MEI4: variants seen among roughly 807,000 people sequenced by gnomAD.
MEI4 encodes meiosis-specific protein MEI4.
A neutral mutation model predicts 31.4 loss-of-function variants in MEI4; 27 were observed. The observed-to-expected ratio is 0.86, with a 90% CI of 0.63 to 1.19. The LOEUF is 1.19. MEI4 is among the 50% of genes most tolerant of loss of function. The probability of loss-of-function intolerance (pLI) is 0.00; values close to 1 mark genes in which losing one functional copy is unlikely to be tolerated. For missense variants in MEI4, 329 were observed against 398.9 expected (o/e 0.82, Z 1.49); for synonymous variants, 122 against 145.4 (o/e 0.84, Z 1.16).
intron 4 of MEI4, among the ~76,000 whole-genome samples, chr6:77,916,059 A>C (rs1409448903): frequency 6.6e-6 from 1 of 151,958 alleles, no homozygotes; most frequent in African/African-American, 2.4e-5. Flanking sequence ...AAGCTTTCAA[A>C]TATATTTTGT....
At chr6:77,817,025 G>A (rs1435034399) in intron 3 of MEI4, among the ~76,000 whole-genome samples, 1 of 149,658 alleles carries the variant, frequency 6.7e-6, no homozygotes, top group African/African-American at 2.5e-5. Context: ...GTGTGTGTAT[G>A]TGTGTGTGTG....
intron 1 of MEI4, among the ~76,000 whole-genome samples, chr6:77,678,019 T>A (rs1768876531): frequency 6.6e-6 from 1 of 152,008 alleles, no homozygotes; most frequent in South Asian, 2.1e-4. Flanking sequence ...CTTTGAAAAA[T>A]TTTCATGGTT....
At chr6:77,694,037 C>A (rs969688435) in intron 2 of MEI4, among the ~76,000 whole-genome samples, 1 of 151,756 alleles carries the variant, frequency 6.6e-6, no homozygotes, top group Non-Finnish European at 1.5e-5. Flanking sequence ...TAAAGCAAAG[C>A]CAAAATGGCA....
intron 3 of MEI4, among the ~76,000 whole-genome samples, chr6:77,805,991 G>A (rs1438773827): frequency 6.6e-6 from 1 of 152,084 alleles, no homozygotes; most frequent in Non-Finnish European, 1.5e-5. Context: ...CTTCCTAAGA[G>A]AAGAGGGATG....
chr6:77,781,506 G>T (rs1275629215), intron 3 of MEI4, among the ~76,000 whole-genome samples: 1 of 152,020 alleles, frequency 6.6e-6, no homozygotes, highest in East Asian at 1.9e-4. Flanking sequence ...CCCCATCTCA[G>T]ATCTATGGAA....
chr6:77,806,015 C>T lies in MEI4; in HGVS notation c.769-22916C>T, dbSNP rs181913805. ...AGAAGAGGGATGAAAATAACCTGAC[C>T]TCTCACAATCCCTTTCGTCTGGCTT... On this transcript the variant is annotated intron_variant, in intron 3 of 4. Coordinates refer to ENST00000684080, the MANE Select transcript of MEI4 (RefSeq NM_001322247.2). Among the ~76,000 whole-genome samples the T allele has an allele frequency of 1.1e-3, 174 of 152,170 alleles. 1 individual carries two copies. Among genetic ancestry groups the T allele is most frequent in the Admixed American group, 3.9e-3 (59 of 15,282 alleles).
intron 4 of MEI4, among the ~76,000 whole-genome samples, chr6:77,905,943 C>T (rs1324726052): frequency 2.0e-5 from 3 of 151,528 alleles, no homozygotes; most frequent in African/African-American, 7.3e-5. Flanking sequence ...AATAACTTGT[C>T]TCTAAATCTT....
intron 2 of MEI4, among the ~76,000 whole-genome samples, chr6:77,753,379 C>G (rs1767830210): frequency 1.3e-5 from 2 of 151,928 alleles, no homozygotes; most frequent in South Asian, 4.2e-4. Context: ...TATCCAGAAT[C>G]TACAAAGAAC....
chr6:77,683,034 A>G (rs1340129148), intron 1 of MEI4, among the ~76,000 whole-genome samples: 1 of 152,140 alleles, frequency 6.6e-6, no homozygotes, highest in Non-Finnish European at 1.5e-5. Flanking sequence ...TTAATGTGCA[A>G]GTACTGTTCT....
At chr6:77,680,528 C>T (rs764485656) in intron 1 of MEI4, among the ~76,000 whole-genome samples, 2 of 151,990 alleles carry the variant, frequency 1.3e-5, no homozygotes, top group Non-Finnish European at 2.9e-5. Context: ...GCAACAAGAG[C>T]TATATTACCT....
intron 3 of MEI4, among the ~76,000 whole-genome samples, chr6:77,825,012 T>A (rs891869176): frequency 6.8e-6 from 1 of 147,642 alleles, no homozygotes; most frequent in Non-Finnish European, 1.5e-5. Flanking sequence ...GATCTCAACT[T>A]TTTTTGTTAA....
At chr6:77,804,697 C>G (rs1451989040) in intron 3 of MEI4, among the ~76,000 whole-genome samples, 1 of 152,114 alleles carries the variant, frequency 6.6e-6, no homozygotes, top group Non-Finnish European at 1.5e-5. Flanking sequence ...ATACTGATAT[C>G]CAGGATCTTT....
At position 77,847,469 on chromosome 6, in the gene MEI4, CAG is replaced by C. The variant is rs1248923104; in HGVS notation, c.900+18410_900+18411del. ...CTATCAGTCACTGAAAAGAAGTCAGCAGAGTCATTTCAGTGTCATGAGAAAAT... is the reference window on the plus strand; with the variant it reads ...CTATCAGTCACTGAAAAGAAGTCAGCAGTCATTTCAGTGTCATGAGAAAAT... On this transcript the variant is annotated intron_variant, in intron 4 of 4. Coordinates refer to ENST00000684080, the MANE Select transcript of MEI4 (RefSeq NM_001322247.2). This position sits in a 1 kb window ranked among gnomAD's most constrained non-coding sequence, Gnocchi z 4.6. 6.6e-6 allele frequency among the ~76,000 whole-genome samples: 1 copy of C among 152,102 alleles called. No homozygotes were observed. Among genetic ancestry groups the C allele is most frequent in the African/African-American group, 2.4e-5 (1 of 41,424 alleles).
intron 3 of MEI4, among the ~76,000 whole-genome samples, chr6:77,806,798 A>C (rs1161747284): frequency 6.6e-6 from 1 of 152,154 alleles, no homozygotes; most frequent in Non-Finnish European, 1.5e-5. Context: ...TTGGCAAACT[A>C]TGCTATTGGG....
chr6:77,749,550 G>A (rs940063280), intron 2 of MEI4, among the ~76,000 whole-genome samples: 13 of 152,090 alleles, frequency 8.5e-5, no homozygotes, highest in African/African-American at 2.7e-4. Context: ...GAAATAAAGT[G>A]AGAAAACAAG....
At chr6:77,830,829 A>T (rs888781878) in intron 4 of MEI4, among the ~76,000 whole-genome samples, 1 of 152,108 alleles carries the variant, frequency 6.6e-6, no homozygotes, top group Non-Finnish European at 1.5e-5. Context: ...GTGCTGTAGG[A>T]CATTGGCCTG....
At chr6:77,809,966 GA>G (rs1173841175) in intron 3 of MEI4, among the ~76,000 whole-genome samples, 2 of 152,064 alleles carry the variant, frequency 1.3e-5, no homozygotes, top group Non-Finnish European at 2.9e-5. Context: ...TCTATGCTAT[GA>G]AAAAAATAAT....
At chr6:77,764,456 A>T (rs905095843) in intron 3 of MEI4, among the ~76,000 whole-genome samples, 1 of 152,028 alleles carries the variant, frequency 6.6e-6, no homozygotes, top group Non-Finnish European at 1.5e-5. Flanking sequence ...TTTTTGCTCC[A>T]GTCTTTATTA....
chr6:77,862,120 G>A (rs1393176277), intron 4 of MEI4, among the ~76,000 whole-genome samples: 3 of 151,912 alleles, frequency 2.0e-5, no homozygotes, highest in Admixed American at 2.0e-4. Context: ...AACAGCTCCA[G>A]TCTACAGCTC....
Sources: gnomAD v4.1 joint callset for allele counts (sites outside exome capture counted in the v4.1 genomes callset) on GRCh38, gnomAD v4.1.1 for gene constraint, Gnocchi (gnomAD v3.1) non-coding constraint, MANE v1.5 for transcripts, NCBI Gene and HGNC (gene_info 2026-07-23, HGNC 2026-07-21) for gene names.